Variants in NPAS3 observed in about 807,000 individuals in gnomAD.
NPAS3 encodes neuronal PAS domain-containing protein 3.
In NPAS3, 14 loss-of-function variants were observed where a neutral mutation model predicts 73.1. The ratio of observed to expected loss-of-function variants is 0.19; its 90% confidence interval spans 0.13 to 0.30. The LOEUF is 0.30. Among genes scored for constraint, NPAS3 ranks in the 10% least tolerant of loss-of-function variants. The pLI is 1.00. For synonymous variants in NPAS3, 620 were observed against 541.5 expected (o/e 1.14, Z -2.01); for missense variants, 1,096 against 1,250.0 (o/e 0.88, Z 1.86).
chr14:32,969,596 T>C (rs1015708395), intron 1 of NPAS3, among the ~76,000 whole-genome samples: 10 of 152,314 alleles, frequency 6.6e-5, no homozygotes, highest in African/African-American at 2.4e-4. Flanking sequence ...TAGGTTTAGA[T>C]GGCATTTAGT....
intron 4 of NPAS3, among the ~76,000 whole-genome samples, chr14:33,451,215 A>G (rs973024077): frequency 1.3e-5 from 2 of 152,252 alleles, no homozygotes; most frequent in Non-Finnish European, 2.9e-5. Flanking sequence ...ATCAATTGAT[A>G]CAGCTGTGCC....
At chr14:33,688,293 C>T (rs1295485524) in intron 6 of NPAS3, among the ~76,000 whole-genome samples, 1 of 152,192 alleles carries the variant, frequency 6.6e-6, no homozygotes, top group Non-Finnish European at 1.5e-5. Context: ...TGGAAATTGA[C>T]AATGAATGTT....
intron 2 of NPAS3, among the ~76,000 whole-genome samples, chr14:33,084,127 A>T (rs2041947898): frequency 1.3e-5 from 2 of 152,324 alleles, no homozygotes; most frequent in African/African-American, 4.8e-5. Flanking sequence ...CCAAAATAAA[A>T]ATAGTCTATT....
At chr14:33,308,541 C>T (rs1261790309) in intron 3 of NPAS3, among the ~76,000 whole-genome samples, 1 of 114,646 alleles carries the variant, frequency 8.7e-6, no homozygotes, top group Non-Finnish European at 1.7e-5. Context: ...TACACACACA[C>T]ACACACACAC....
chr14:33,772,745 C>T (rs2062694509), intron 7 of NPAS3, among the ~76,000 whole-genome samples: 1 of 152,270 alleles, frequency 6.6e-6, no homozygotes, highest in South Asian at 2.1e-4. Context: ...CTTGCACAAA[C>T]GTGTGTCTGT....
chr14:33,446,223 C>T (rs1309369612), intron 4 of NPAS3, among the ~76,000 whole-genome samples: 1 of 140,038 alleles, frequency 7.1e-6, no homozygotes, highest in African/African-American at 2.7e-5. Context: ...GGCCGGACTG[C>T]GGACTGCAGT....
chr14:33,560,009 C>CAAGAA, intron 4 of NPAS3, 112 bp from the exon 5 acceptor site: 2 of 392,410 alleles, frequency 5.1e-6, no homozygotes, highest in Non-Finnish European at 8.8e-6. Flanking sequence ...GACTCTGTCT[C>CAAGAA]AAAAAAAAAA....
At chr14:33,421,866 T>C (rs1396986995) in intron 4 of NPAS3, among the ~76,000 whole-genome samples, 1 of 151,920 alleles carries the variant, frequency 6.6e-6, no homozygotes, top group African/African-American at 2.4e-5. Context: ...GATGATTAGA[T>C]TGAAAGATTG....
At chr14:32,946,346 GCGCA>G (rs1321393208) in intron 1 of NPAS3, among the ~76,000 whole-genome samples, 1,517 of 131,966 alleles carry the variant, frequency 0.011, 34 homozygotes, top group African/African-American at 0.04. Context: ...ACACACACAC[GCGCA>G]CACACACACA....
chr14:33,635,967 G>A (rs1011452464), intron 5 of NPAS3, among the ~76,000 whole-genome samples: 15 of 151,974 alleles, frequency 9.9e-5, no homozygotes, highest in South Asian at 8.3e-4. Flanking sequence ...TTTTTAAGAC[G>A]GAGTTTTGCT....
At chr14:33,440,847 C>G (rs1025637691) in intron 4 of NPAS3, among the ~76,000 whole-genome samples, 10 of 151,676 alleles carry the variant, frequency 6.6e-5, no homozygotes, top group Non-Finnish European at 1.0e-4. Context: ...TGAGCCAAGA[C>G]TGCGCCACTG....
intron 2 of NPAS3, among the ~76,000 whole-genome samples, chr14:33,184,204 A>ATGAAGGAAGGG (rs2139460083): frequency 6.6e-6 from 1 of 152,288 alleles, no homozygotes; most frequent in African/African-American, 2.4e-5. Flanking sequence ...TCCTGGGAGA[A>ATGAAGGAAGGG]CACAGGATGC....
At chr14:33,628,266 T>G (rs2058278029) in intron 5 of NPAS3, among the ~76,000 whole-genome samples, 1 of 152,254 alleles carries the variant, frequency 6.6e-6, no homozygotes, top group Non-Finnish European at 1.5e-5. Flanking sequence ...GCTCAGATTT[T>G]TAATAGAATA....
chr14:33,257,862 A>T (rs1235213436), intron 3 of NPAS3, among the ~76,000 whole-genome samples: 2 of 152,238 alleles, frequency 1.3e-5, no homozygotes, highest in East Asian at 3.9e-4. Context: ...TTTCAAGGGT[A>T]TATTTTATGC....
At chr14:33,140,894 CAT>C (rs1361784229) in intron 2 of NPAS3, among the ~76,000 whole-genome samples, 1 of 152,140 alleles carries the variant, frequency 6.6e-6, no homozygotes, top group African/African-American at 2.4e-5. Context: ...TATGGCCAAA[CAT>C]AATGGGGAAA....
chr14:33,630,626 G>C (rs1018036282), intron 5 of NPAS3, among the ~76,000 whole-genome samples: 12 of 152,144 alleles, frequency 7.9e-5, no homozygotes, highest in African/African-American at 2.7e-4. Context: ...CAAACAATTT[G>C]ACAGGAGTTT....
chr14:33,599,771 G>A (rs529528113), intron 5 of NPAS3, among the ~76,000 whole-genome samples: 4 of 152,280 alleles, frequency 2.6e-5, no homozygotes, highest in African/African-American at 7.2e-5. Flanking sequence ...GCTCGTTCAG[G>A]AGGGCTTACT....
Position 33,800,423 on chromosome 14 carries a change from G to A in NPAS3, c.2116G>A (p.Gly706Arg). 6.3e-7 allele frequency: 1 copy of A among 1,593,320 alleles called. No individual in the cohort carries two copies. The highest frequency in any genetic ancestry group is 1.1e-5 in the South Asian group (1 of 89,118). Reference sequence around the variant, plus strand: ...CGGCGGTGGGGGTGGCGGTGGCGGGGGGCTGCACGTGGCCATTCCCGACTC... The same window carrying A: ...CGGCGGTGGGGGTGGCGGTGGCGGGAGGCTGCACGTGGCCATTCCCGACTC... Residue 706 changes from glycine (G) to arginine (R), a missense_variant, in exon 12 of 12, where the codon GGG (glycine) becomes AGG (arginine). Transcript: ENST00000356141. The surrounding 1 kb of genome is among the most constrained non-coding windows in gnomAD (Gnocchi z 6.5).
intron 2 of NPAS3, among the ~76,000 whole-genome samples, chr14:33,102,144 A>C (rs957891142): frequency 6.6e-6 from 1 of 151,950 alleles, no homozygotes; most frequent in Non-Finnish European, 1.5e-5. Flanking sequence ...CTCTCCCACA[A>C]TTCATTCTTC....
Sources: gnomAD v4.1 joint callset for allele counts (sites outside exome capture counted in the v4.1 genomes callset) on GRCh38, gnomAD v4.1.1 for gene constraint, Gnocchi (gnomAD v3.1) non-coding constraint, MANE v1.5 for transcripts, NCBI Gene and HGNC (gene_info 2026-07-23, HGNC 2026-07-21) for gene names.